SWT1: variants seen among roughly 807,000 people sequenced by gnomAD.
The protein encoded by SWT1 is transcriptional protein SWT1.
Under a neutral mutation model 107.3 loss-of-function variants are expected in SWT1, and 33 were observed. The ratio of observed to expected loss-of-function variants is 0.31; its 90% CI spans 0.23 to 0.41. The LOEUF is 0.41. Among genes scored for constraint, SWT1 ranks in the 10% least tolerant of loss-of-function variants. SWT1 has a pLI of 1.00. For synonymous variants in SWT1, 345 were observed against 348.3 expected (o/e 0.99, Z 0.11); for missense variants, 898 against 1,028.9 (o/e 0.87, Z 1.74).
At chr1:185,232,407 A>C (rs1352315646) in intron 16 of SWT1, among the ~76,000 whole-genome samples, 1 of 152,218 alleles carries the variant, frequency 6.6e-6, no homozygotes, top group African/African-American at 2.4e-5. Context: ...GAAAGTAATA[A>C]CTCAGCAGAT....
chr1:185,176,321 C>G lies in SWT1; in HGVS notation c.966+1208C>G, dbSNP rs140323063. On this transcript the variant is annotated intron_variant, in intron 5 of 18. Transcript: ENST00000367500. ...AAAAAAAAAAAAAAAAAAAGATTTACTGGAGGCTGGAGGGAGTAACATTTA... is the reference window on the plus strand; with the variant it reads ...AAAAAAAAAAAAAAAAAAAGATTTAGTGGAGGCTGGAGGGAGTAACATTTA... Among the ~76,000 whole-genome samples, 976 of 129,414 alleles carry G rather than the reference C, an allele frequency of 7.5e-3. 3 individuals carry two copies. The highest frequency in any genetic ancestry group is 0.012 in the Non-Finnish European group (745 of 61,914). 84.9% of individuals were successfully genotyped at this position (129,414 alleles called of 152,430 possible).
At chr1:185,230,580 A>G (rs1172707516) in intron 15 of SWT1, among the ~76,000 whole-genome samples, 1 of 152,214 alleles carries the variant, frequency 6.6e-6, no homozygotes, top group Non-Finnish European at 1.5e-5. Flanking sequence ...TTCTGGGTGA[A>G]TATATGAATT....
intron 11 of SWT1, among the ~76,000 whole-genome samples, chr1:185,204,305 A>AT (rs1476627247): frequency 2.6e-5 from 4 of 152,024 alleles, no homozygotes; most frequent in Non-Finnish European, 4.4e-5. Context: ...AAAATATTCC[A>AT]TTTTTGGAAA....
At chr1:185,213,170 A>G (rs1571520576) in intron 13 of SWT1, among the ~76,000 whole-genome samples, 2 of 152,330 alleles carry the variant, frequency 1.3e-5, no homozygotes, top group Non-Finnish European at 2.9e-5. Context: ...TGATTAATTC[A>G]TATATGTAAG....
At chr1:185,283,819 G>A (rs1008696929) in intron 18 of SWT1, among the ~76,000 whole-genome samples, 8 of 151,784 alleles carry the variant, frequency 5.3e-5, no homozygotes, top group African/African-American at 1.7e-4. Flanking sequence ...ATTCCTTTTC[G>A]TGGCTGAATA....
chr1:185,164,567 CTA>C lies in SWT1; in HGVS notation c.85-2003_85-2002del, dbSNP rs1654421019. ...TTTTTTGTATAACTTGCTGTAGCTT[CTA>C]TGTTAGCATTTGCTGTTTCACCTTG... On this transcript the variant is annotated intron_variant, in intron 2 of 18. Transcript: ENST00000367500. Among the ~76,000 whole-genome samples the C allele has an allele frequency of 2.0e-5, 3 of 152,318 alleles. No homozygotes were observed. In the South Asian group the frequency reaches 6.2e-4, roughly 32 times the overall value.
At position 185,291,098 on chromosome 1, in the gene SWT1, C is replaced by A; in HGVS notation, c.*295C>A. 1 of 178,424 alleles carries A rather than the reference C, an allele frequency of 5.6e-6. No individual in the cohort carries two copies. Among genetic ancestry groups the A allele is most frequent in the Non-Finnish European group, 1.2e-5 (1 of 84,874 alleles). 11.1% of individuals were successfully genotyped at this position (178,424 alleles called of 1,614,324 possible). On this transcript the variant is annotated 3_prime_UTR_variant, in exon 19 of 19. Transcript: ENST00000367500. ...AAAGGAGAGCCGTATTTTTAGTCAT[C>A]CTAGGGCAGGAGCCACTGTGGCATC...
intron 17 of SWT1, among the ~76,000 whole-genome samples, chr1:185,272,212 A>G (rs1344057892): frequency 1.3e-5 from 2 of 152,368 alleles, no homozygotes; most frequent in South Asian, 2.1e-4. Flanking sequence ...AGGTAGAACT[A>G]TAATGAGGCT....
At chr1:185,242,547 C>A (rs74134446) in intron 16 of SWT1, among the ~76,000 whole-genome samples, 297 of 152,260 alleles carry the variant, frequency 2.0e-3, no homozygotes, top group Non-Finnish European at 3.8e-3. Flanking sequence ...TTATTCCCAT[C>A]GCCCCTAGAG....
At chr1:185,221,288 G>C (rs1013393426) in intron 14 of SWT1, among the ~76,000 whole-genome samples, 1 of 151,824 alleles carries the variant, frequency 6.6e-6, no homozygotes, top group East Asian at 1.9e-4. Context: ...CTCTCCTCTT[G>C]GATTATTTCA....
At chr1:185,170,170 G>T (rs1441735092) in intron 4 of SWT1, among the ~76,000 whole-genome samples, 1 of 152,190 alleles carries the variant, frequency 6.6e-6, no homozygotes, top group African/African-American at 2.4e-5. Context: ...AGTTTCAGGT[G>T]TGGAAACCAA....
intron 16 of SWT1, among the ~76,000 whole-genome samples, chr1:185,239,945 T>G (rs1024571289): frequency 2.0e-5 from 3 of 152,058 alleles, no homozygotes; most frequent in African/African-American, 7.2e-5. Flanking sequence ...TCAAAAACAT[T>G]GTCTACATGT....
At chr1:185,270,712 A>G (rs1364595159) in intron 16 of SWT1, among the ~76,000 whole-genome samples, 2 of 152,204 alleles carry the variant, frequency 1.3e-5, no homozygotes. Context: ...TGGTCTCAAA[A>G]AAATAAATTT....
At chr1:185,269,373 GTTTT>G (rs59417358) in intron 16 of SWT1, among the ~76,000 whole-genome samples, 11 of 125,350 alleles carry the variant, frequency 8.8e-5, no homozygotes, top group Non-Finnish European at 1.7e-4. Context: ...AGAGGTTTTT[GTTTT>G]TTTTTTTTTT....
chr1:185,179,216 C>G (rs1003889145), intron 5 of SWT1, among the ~76,000 whole-genome samples: 2 of 152,116 alleles, frequency 1.3e-5, no homozygotes, highest in Non-Finnish European at 2.9e-5. Flanking sequence ...TTGTAGTGAC[C>G]TGAGATCATG....
chr1:185,248,766 C>T (rs1365429582), intron 16 of SWT1, among the ~76,000 whole-genome samples: 7 of 128,912 alleles, frequency 5.4e-5, no homozygotes, highest in Non-Finnish European at 1.1e-4. Context: ...AATGAAGATA[C>T]GACTAAGCCA....
chr1:185,218,027 G>C (rs938063913), intron 14 of SWT1, among the ~76,000 whole-genome samples: 2 of 152,116 alleles, frequency 1.3e-5, no homozygotes, highest in Non-Finnish European at 2.9e-5. Flanking sequence ...CACAAAACTA[G>C]TCCCAGTTGC....
At chr1:185,257,060 C>T (rs1191737140) in intron 16 of SWT1, among the ~76,000 whole-genome samples, 1 of 152,028 alleles carries the variant, frequency 6.6e-6, no homozygotes, top group African/African-American at 2.4e-5. Flanking sequence ...TCAGTGTGCC[C>T]CTGCTGGGGG....
At chr1:185,248,052 G>T (rs1249580137) in intron 16 of SWT1, among the ~76,000 whole-genome samples, 1 of 152,118 alleles carries the variant, frequency 6.6e-6, no homozygotes, top group African/African-American at 2.4e-5. Flanking sequence ...TAGGATCACA[G>T]TACATGATTA....
Sources: allele counts gnomAD v4.1 joint callset (sites outside exome capture counted in the v4.1 genomes callset), GRCh38; gene constraint gnomAD v4.1.1; transcripts MANE v1.5; gene names NCBI Gene and HGNC (gene_info 2026-07-23, HGNC 2026-07-21).